Variants in LYRM4 observed in about 807,000 individuals in gnomAD.
The protein encoded by LYRM4 is LYR motif-containing protein 4.
In LYRM4, 9 loss-of-function variants were observed where a neutral mutation model predicts 11.7. The ratio of observed to expected loss-of-function variants is 0.77; its 90% confidence interval spans 0.46 to 1.34. The LOEUF (loss-of-function observed/expected upper bound fraction) is 1.34. LYRM4 is among the 40% of genes most tolerant of loss of function. The pLI is 0.00. For missense variants in LYRM4, 133 were observed against 112.5 expected, an observed-to-expected ratio of 1.18 and a Z score of -0.82; for synonymous variants, 42 against 40.4, an observed-to-expected ratio of 1.04 and a Z score of -0.15.
At chr6:5,109,661 C>A (rs1328198799) in intron 2 of LYRM4, among the ~76,000 whole-genome samples, 170 bp from the exon 3 acceptor site, 1 of 152,226 alleles carries the variant, frequency 6.6e-6, no homozygotes, top group Non-Finnish European at 1.5e-5. Flanking sequence ...ACCATCCAAC[C>A]CCCGTTTCCC....
At chr6:5,214,299 G>C (rs1294604221) in intron 2 of LYRM4, among the ~76,000 whole-genome samples, 1 of 152,182 alleles carries the variant, frequency 6.6e-6, no homozygotes, top group Non-Finnish European at 1.5e-5. Flanking sequence ...TGGGTGGAAG[G>C]GGGAGGGAGC....
intron 1 of LYRM4, among the ~76,000 whole-genome samples, chr6:5,235,046 T>C (rs1184446900): frequency 6.6e-6 from 1 of 152,058 alleles, no homozygotes; most frequent in Non-Finnish European, 1.5e-5. Context: ...TCCCACCAGG[T>C]TCCTCATCTC....
chr6:5,217,426 C>G (rs991219725), intron 1 of LYRM4, among the ~76,000 whole-genome samples: 1 of 152,202 alleles, frequency 6.6e-6, no homozygotes, highest in East Asian at 1.9e-4. Context: ...GCTTGCCCAT[C>G]GGACAGGCTT....
rs1762779330 is a variant in LYRM4, at chr6:5,109,504, A to C, written c.208-13T>G. ...GGCCAATGTGGACCTGAAGGCAAAG[A>C]AAGGACACAGGTCAGGAACCGTGGC... is the stretch of plus-strand genomic sequence containing the variant. On this transcript the variant is annotated splice_polypyrimidine_tract_variant and intron_variant, in intron 2 of 2. Coordinates refer to ENST00000330636, the MANE Select transcript of LYRM4 (RefSeq NM_020408.6). 1.2e-6 allele frequency: 2 copies of C among 1,613,130 alleles called. No homozygotes were observed. The highest frequency in any genetic ancestry group is 1.7e-6 in the Non-Finnish European group (2 of 1,179,082).
chr6:5,104,166 C>T (rs1278473929), downstream of LYRM4: 5 of 152,616 alleles, frequency 3.3e-5, no homozygotes, highest in Non-Finnish European at 5.9e-5. Context: ...ACCAGCCCTC[C>T]TCTTCCAATC....
At chr6:5,086,026 C>T in the LYRM4 span, 2,841 of 1,493,402 alleles carry the variant, frequency 1.9e-3, 6 homozygotes, top group Non-Finnish European at 2.4e-3. Flanking sequence ...CGGGGGGCTG[C>T]TGGCCGCGGC....
chr6:5,126,718 A>G (rs894677072), intron 2 of LYRM4, among the ~76,000 whole-genome samples: 1 of 152,206 alleles, frequency 6.6e-6, no homozygotes, highest in Non-Finnish European at 1.5e-5. Flanking sequence ...AAGTGATAGA[A>G]GCCAAACACA....
At chr6:5,157,189 A>G (rs1407014966) in intron 2 of LYRM4, among the ~76,000 whole-genome samples, 1 of 152,254 alleles carries the variant, frequency 6.6e-6, no homozygotes, top group Admixed American at 6.5e-5. Context: ...GAAAGCACTC[A>G]ACGCAAAAAA....
In LYRM4 at chr6:5,135,588, G is replaced by A. The variant is rs941192942; in HGVS notation, c.208-26097C>T. Among the ~76,000 whole-genome samples, 8 of 150,714 alleles carry A rather than the reference G, an allele frequency of 5.3e-5. No individual in the cohort carries two copies. The South Asian group carries it at 1.7e-3, about 33-fold the overall frequency. On this transcript the variant is annotated intron_variant, in intron 2 of 2. Coordinates refer to ENST00000330636, the MANE Select transcript of LYRM4 (RefSeq NM_020408.6). ...TCCAGGTGTGATTTTCATGGGAATGGAACTGGCTCCCTAGGTGGTGTTCAT... is the reference window on the plus strand; with the variant it reads ...TCCAGGTGTGATTTTCATGGGAATGAAACTGGCTCCCTAGGTGGTGTTCAT...
chr6:5,101,318 A>G (rs1762492860), downstream of LYRM4, among the ~76,000 whole-genome samples: 1 of 152,196 alleles, frequency 6.6e-6, no homozygotes. Flanking sequence ...GGATGAATCC[A>G]TGTTTGGTCC....
At chr6:5,090,015 G>GACACACACACAC in the LYRM4 span, among the ~76,000 whole-genome samples, 6,450 of 149,696 alleles carry the variant, frequency 0.043, 192 homozygotes, top group South Asian at 0.079. This position sits in a 1 kb window ranked among gnomAD's most constrained non-coding sequence, Gnocchi z 4.8. Flanking sequence ...CTGAAAGGAA[G>GACACACACACAC]ACACACACAC....
chr6:5,058,150 TC>T, the LYRM4 span, among the ~76,000 whole-genome samples: 1 of 152,040 alleles, frequency 6.6e-6, no homozygotes. Context: ...GTCTCCTTCT[TC>T]GGGTTCCACC....
intron 1 of LYRM4, among the ~76,000 whole-genome samples, chr6:5,226,783 TAAC>T (rs1319174198): frequency 4.6e-5 from 7 of 152,224 alleles, no homozygotes; most frequent in African/African-American, 1.7e-4. Context: ...GACAGCATGT[TAAC>T]AATAATTACT....
At chr6:5,245,242 T>C (rs574559608) in intron 1 of LYRM4, among the ~76,000 whole-genome samples, 2 of 147,174 alleles carry the variant, frequency 1.4e-5, no homozygotes, top group East Asian at 4.0e-4. Flanking sequence ...TAAAATTCTA[T>C]GGGAATCTTT....
At chr6:5,122,938 C>A (rs190857055) in intron 2 of LYRM4, among the ~76,000 whole-genome samples, 4 of 152,228 alleles carry the variant, frequency 2.6e-5, no homozygotes, top group Non-Finnish European at 5.9e-5. Flanking sequence ...GGAGCTGCTA[C>A]GCGACATCCA....
At chr6:5,150,466 A>G (rs909413730) in intron 2 of LYRM4, among the ~76,000 whole-genome samples, 2 of 152,158 alleles carry the variant, frequency 1.3e-5, no homozygotes, top group Non-Finnish European at 2.9e-5. Flanking sequence ...GGTACTTTCT[A>G]TGCAAATGGG....
chr6:5,032,310 G>T, the LYRM4 span: 14 of 152,252 alleles, frequency 9.2e-5, no homozygotes, highest in East Asian at 1.2e-3. Flanking sequence ...TATTTCTTGG[G>T]TCTGTGTATA....
chr6:5,195,319 C>T (rs1378313494), intron 2 of LYRM4, among the ~76,000 whole-genome samples: 1 of 152,048 alleles, frequency 6.6e-6, no homozygotes, highest in East Asian at 1.9e-4. Flanking sequence ...TACAAAACCC[C>T]ACAGTATCAG....
intron 2 of LYRM4, among the ~76,000 whole-genome samples, chr6:5,184,478 G>C (rs1160130748): frequency 6.6e-6 from 1 of 152,174 alleles, no homozygotes; most frequent in African/African-American, 2.4e-5. Context: ...ATTTTGCTTT[G>C]TGGAGATGCC....
Sources: gnomAD v4.1 joint callset for allele counts (sites outside exome capture counted in the v4.1 genomes callset) on GRCh38, gnomAD v4.1.1 for gene constraint, Gnocchi (gnomAD v3.1) non-coding constraint, MANE v1.5 for transcripts, NCBI Gene and HGNC (gene_info 2026-07-23, HGNC 2026-07-21) for gene names.